The following PDE6A variants were observed in gnomAD, a reference collection of about 807,000 sequenced individuals.
PDE6A encodes the protein phosphodiesterase 6A, also known as rod cGMP-specific 3',5'-cyclic phosphodiesterase subunit alpha.
In PDE6A, 84 loss-of-function variants were observed where a neutral mutation model predicts 106.3. The ratio of observed to expected loss-of-function variants is 0.79; its 90% confidence interval spans 0.66 to 0.95. PDE6A has a LOEUF of 0.95. PDE6A is among the 40% of genes least tolerant of loss of function. The pLI, the probability that PDE6A is intolerant of heterozygous loss-of-function variation, is 0.00. For missense variants in PDE6A, 1,052 were observed against 1,084.9 expected (o/e 0.97, Z 0.43); for synonymous variants, 394 against 386.6 (o/e 1.02, Z -0.23).
Position 149,860,567 on chromosome 5 carries a change from C to T in PDE6A, c.*328G>A, listed in dbSNP as rs554874208. ...CTTGTTCAACCCACGGCCCGTGGGC[C>T]ACATGCAGCCCAGGACGGCTTTGAA... On this transcript the variant is annotated 3_prime_UTR_variant, in exon 22 of 22. Coordinates refer to ENST00000255266, the MANE Select transcript of PDE6A (RefSeq NM_000440.3). 1 of 239,762 alleles carries T rather than the reference C, an allele frequency of 4.2e-6. No homozygotes were observed. The highest frequency in any genetic ancestry group is 5.0e-5 in the Admixed American group (1 of 19,966). 14.9% of individuals were successfully genotyped at this position (239,762 alleles called of 1,614,324 possible). A position where few individuals can be genotyped will look rare whatever the true frequency, so the allele number is the denominator to read the frequency against.
chr5:149,882,103 G>C (rs566056878), intron 17 of PDE6A, among the ~76,000 whole-genome samples: 5 of 144,620 alleles, frequency 3.5e-5, no homozygotes, highest in South Asian at 2.3e-4. Context: ...AAATGTCCAG[G>C]GGGGCAGCTC....
At chr5:149,865,327 T>C (rs1009825151) in intron 20 of PDE6A, among the ~76,000 whole-genome samples, 3 of 151,590 alleles carry the variant, frequency 2.0e-5, no homozygotes, top group African/African-American at 4.9e-5. Context: ...GGAGGATCAT[T>C]TGGGCCTGGG....
chr5:149,884,069 T>G (rs1029971437), intron 16 of PDE6A, among the ~76,000 whole-genome samples: 4 of 151,584 alleles, frequency 2.6e-5, no homozygotes, highest in Non-Finnish European at 5.9e-5. Context: ...GGTGTTCCTG[T>G]AGTCCCAGCC....
At chr5:149,904,161 C>T (rs1470865409) in intron 7 of PDE6A, among the ~76,000 whole-genome samples, 1 of 152,154 alleles carries the variant, frequency 6.6e-6, no homozygotes, top group African/African-American at 2.4e-5. Flanking sequence ...GTGGGAGAAT[C>T]ACTTGAACCT....
chr5:149,904,332 T>C (rs1459620226), intron 7 of PDE6A, among the ~76,000 whole-genome samples: 1 of 152,204 alleles, frequency 6.6e-6, no homozygotes, highest in Non-Finnish European at 1.5e-5. Context: ...CAAAGTAGAA[T>C]AATAAATGAA....
chr5:149,921,483 C>A, intron 5 of PDE6A, 152 bp downstream of exon 5: 1 of 620,926 alleles, frequency 1.6e-6, no homozygotes, highest in Non-Finnish European at 2.9e-6. Flanking sequence ...CACCTGTCTG[C>A]TATTGAATAT....
At chr5:149,884,215 T>TATATATAC (rs1554087101) in intron 16 of PDE6A, among the ~76,000 whole-genome samples, 1 of 146,450 alleles carries the variant, frequency 6.8e-6, no homozygotes. Flanking sequence ...TATATATATA[T>TATATATAC]ACACACACAC....
At chr5:149,915,523 C>CCTT (rs1374682842) in intron 5 of PDE6A, among the ~76,000 whole-genome samples, 1 of 152,158 alleles carries the variant, frequency 6.6e-6, no homozygotes, top group African/African-American at 2.4e-5. Flanking sequence ...GCCTGGGCTG[C>CCTT]CTTCTGGTGC....
intron 17 of PDE6A, among the ~76,000 whole-genome samples, chr5:149,869,706 A>AC (rs1760466161): frequency 6.6e-6 from 1 of 152,124 alleles, no homozygotes; most frequent in Admixed American, 6.5e-5. Context: ...AGCTGGCAGG[A>AC]CTAGTAGGAT....
At chr5:149,920,942 A>AAAAGAAAGAAGAAAGAAAGAAAG (rs1554091215) in intron 5 of PDE6A, among the ~76,000 whole-genome samples, 1 of 108,282 alleles carries the variant, frequency 9.2e-6, no homozygotes, top group Non-Finnish European at 1.8e-5. Context: ...GAAAGAGAGA[A>AAAAGAAAGAAGAAAGAAAGAAAG]AAAGAAAGAA....
Position 149,896,434 on chromosome 5 carries a change from TGTTAGGG to T in PDE6A, c.1535_1541del (p.Pro512GlnfsTer6), listed in dbSNP as rs1323056965. On this transcript the variant is annotated frameshift_variant, in exon 12 of 22. Coordinates refer to ENST00000255266, the MANE Select transcript of PDE6A (RefSeq NM_000440.3). LOFTEE classifies it high-confidence loss of function. ...TTCCACATTTTACCAGCTCCAGTTC[TGTTAGGG>T]GTAAGTCACTGAAGTGAAATTTATT... is the stretch of plus-strand genomic sequence containing the variant. 1.1e-5 allele frequency: 18 copies of T among 1,614,008 alleles called. No homozygotes were observed. The highest frequency in any genetic ancestry group is 1.4e-5 in the Non-Finnish European group (16 of 1,179,948).
intron 11 of PDE6A, 102 bp from the exon 12 acceptor site, chr5:149,896,604 A>G (rs1752760970): frequency 3.1e-6 from 5 of 1,613,622 alleles, no homozygotes; most frequent in African/African-American, 1.3e-5. Context: ...TGGAAGGATC[A>G]GAACAGAGTG....
intron 13 of PDE6A, among the ~76,000 whole-genome samples, chr5:149,892,183 G>C (rs1214021052): frequency 6.6e-6 from 1 of 152,038 alleles, no homozygotes; most frequent in Non-Finnish European, 1.5e-5. Flanking sequence ...AGGCATGGTG[G>C]TACTTGTCTG....
chr5:149,910,563 C>T (rs1445836982), intron 6 of PDE6A, among the ~76,000 whole-genome samples: 2 of 152,144 alleles, frequency 1.3e-5, no homozygotes, highest in Admixed American at 6.5e-5. Flanking sequence ...CACTTCAATG[C>T]TGAATCATAG....
intron 19 of PDE6A, chr5:149,866,454 T>A: frequency 1.8e-6 from 1 of 541,750 alleles, no homozygotes; most frequent in Non-Finnish European, 3.3e-6. Flanking sequence ...TGTGGGAAAC[T>A]GCACAAAAAA....
intron 1 of PDE6A, among the ~76,000 whole-genome samples, chr5:149,937,404 G>A (rs749473708): frequency 6.6e-6 from 1 of 152,150 alleles, no homozygotes; most frequent in African/African-American, 2.4e-5. Context: ...TTGAGACAGA[G>A]TCTTGCTCTG....
intron 17 of PDE6A, among the ~76,000 whole-genome samples, chr5:149,881,574 A>G (rs1760923715): frequency 6.6e-6 from 1 of 152,210 alleles, no homozygotes; most frequent in African/African-American, 2.4e-5. Context: ...AGATGTCAAC[A>G]ATAGATACTG....
chr5:149,903,159 A>C (rs1276013958), intron 8 of PDE6A, among the ~76,000 whole-genome samples: 1 of 149,116 alleles, frequency 6.7e-6, no homozygotes, highest in Non-Finnish European at 1.5e-5. Flanking sequence ...AAAAAAAAAA[A>C]AAAAAAAAAC....
At chr5:149,920,930 GAGAA>G (rs1248485921) in intron 5 of PDE6A, among the ~76,000 whole-genome samples, 16 of 80,338 alleles carry the variant, frequency 2.0e-4, no homozygotes, top group African/African-American at 6.2e-4. Flanking sequence ...AGAAGAAAGA[GAGAA>G]AGAGAGAAAA....
Sources: allele counts gnomAD v4.1 joint callset (sites outside exome capture counted in the v4.1 genomes callset), GRCh38; gene constraint gnomAD v4.1.1; transcripts MANE v1.5; gene names NCBI Gene and HGNC (gene_info 2026-07-23, HGNC 2026-07-21).